The following GRM8 variants were observed in gnomAD, a reference collection of about 807,000 sequenced individuals.
GRM8 encodes glutamate metabotropic receptor 8, also known as metabotropic glutamate receptor 8.
A neutral mutation model predicts 87.2 loss-of-function variants in GRM8; 47 were observed. That is an observed-to-expected ratio of 0.54 (90% CI 0.43 to 0.69). The LOEUF (loss-of-function observed/expected upper bound fraction) is 0.69. Among genes scored for constraint, GRM8 ranks in the 30% least tolerant of loss-of-function variants. The pLI is 0.00. For synonymous variants in GRM8, 396 were observed against 404.5 expected, an observed-to-expected ratio of 0.98 and a Z score of 0.25; for missense variants, 1,019 against 1,139.2, an observed-to-expected ratio of 0.89 and a Z score of 1.52.
chr7:126,996,720 G>A (rs1379729055), intron 3 of GRM8, among the ~76,000 whole-genome samples: 2 of 151,722 alleles, frequency 1.3e-5, no homozygotes, highest in Non-Finnish European at 2.9e-5. Flanking sequence ...ATGGCAAATG[G>A]GTCAATTCAG....
chr7:126,899,708 C>T (rs960639515), intron 6 of GRM8, among the ~76,000 whole-genome samples: 1 of 150,530 alleles, frequency 6.6e-6, no homozygotes, highest in Non-Finnish European at 1.5e-5. Flanking sequence ...TCCTACTCTG[C>T]ATTTATTCTC....
At chr7:126,447,704 T>G (rs1178015583) in intron 9 of GRM8, among the ~76,000 whole-genome samples, 1 of 151,980 alleles carries the variant, frequency 6.6e-6, no homozygotes, top group African/African-American at 2.4e-5. Flanking sequence ...AAGGTTTCTC[T>G]TAACAGATGG....
At chr7:127,222,687 T>C (rs971355021) in intron 2 of GRM8, among the ~76,000 whole-genome samples, 1 of 152,212 alleles carries the variant, frequency 6.6e-6, no homozygotes, top group Non-Finnish European at 1.5e-5. Flanking sequence ...ATAATGGCTA[T>C]TCATGTATAG....
intron 6 of GRM8, among the ~76,000 whole-genome samples, chr7:126,817,400 C>A (rs904920786): frequency 6.6e-6 from 1 of 152,058 alleles, no homozygotes; most frequent in African/African-American, 2.4e-5. Context: ...TAAAATGATA[C>A]TATGGAGAAT....
chr7:126,557,890 A>G (rs1189250128), intron 8 of GRM8, among the ~76,000 whole-genome samples: 2 of 152,172 alleles, frequency 1.3e-5, no homozygotes, highest in African/African-American at 4.8e-5. Flanking sequence ...AAGTAATATA[A>G]AGATGTACTT....
chr7:126,574,509 T>G (rs945952854), intron 8 of GRM8, among the ~76,000 whole-genome samples: 1 of 152,214 alleles, frequency 6.6e-6, no homozygotes, highest in African/African-American at 2.4e-5. Flanking sequence ...ATGTGTCATC[T>G]CTAAGGAGTT....
intron 6 of GRM8, among the ~76,000 whole-genome samples, chr7:126,840,970 G>A (rs1796217705): frequency 6.6e-6 from 1 of 152,210 alleles, no homozygotes; most frequent in Non-Finnish European, 1.5e-5. Context: ...TAAAGGCTCT[G>A]ACAGAGCCTA....
chr7:127,022,566 C>T (rs1544326), intron 3 of GRM8, among the ~76,000 whole-genome samples: 113,308 of 151,756 alleles, frequency 0.75, 43,529 homozygotes, highest in African/African-American at 0.89. Context: ...AGGGATTTCG[C>T]TTCAGGCCAA....
intron 3 of GRM8, among the ~76,000 whole-genome samples, chr7:127,024,101 G>C (rs1816542506): frequency 6.6e-6 from 1 of 152,044 alleles, no homozygotes; most frequent in Admixed American, 6.6e-5. Flanking sequence ...TATGGAACTG[G>C]TTTTACATCA....
chr7:126,824,715 A>G (rs1794603798), intron 6 of GRM8, among the ~76,000 whole-genome samples: 1 of 152,196 alleles, frequency 6.6e-6, no homozygotes, highest in Non-Finnish European at 1.5e-5. Flanking sequence ...ATACCAATGG[A>G]AGTATCTTTT....
At chr7:127,151,468 C>T (rs1828856519) in intron 2 of GRM8, among the ~76,000 whole-genome samples, 1 of 152,056 alleles carries the variant, frequency 6.6e-6, no homozygotes. Flanking sequence ...AAAGAAAAAA[C>T]ACCCCAAAAC....
intron 8 of GRM8, among the ~76,000 whole-genome samples, chr7:126,551,590 T>C (rs949096599): frequency 2.6e-5 from 4 of 152,192 alleles, no homozygotes; most frequent in African/African-American, 9.6e-5. Flanking sequence ...TCATCATGTC[T>C]ACAAATGGAT....
chr7:126,583,580 G>C (rs1179100164), intron 8 of GRM8, among the ~76,000 whole-genome samples: 3 of 152,114 alleles, frequency 2.0e-5, no homozygotes, highest in African/African-American at 7.2e-5. Flanking sequence ...GGAAGAAGTT[G>C]ATTCCACTCT....
chr7:126,943,682 A>C (rs945858097), intron 3 of GRM8, among the ~76,000 whole-genome samples: 2 of 152,138 alleles, frequency 1.3e-5, no homozygotes, highest in Non-Finnish European at 2.9e-5. Context: ...CCTCTCTCTC[A>C]TTGACGCCGT....
chr7:126,822,661 C>T (rs1048394110), intron 6 of GRM8, among the ~76,000 whole-genome samples: 2 of 152,042 alleles, frequency 1.3e-5, no homozygotes, highest in African/African-American at 4.8e-5. Context: ...CCTCAGACTC[C>T]TGCGGCTCAA....
At chr7:127,077,711 C>T (rs907861591) in intron 3 of GRM8, among the ~76,000 whole-genome samples, 1 of 152,288 alleles carries the variant, frequency 6.6e-6, no homozygotes, top group South Asian at 2.1e-4. Flanking sequence ...CAGGTAACAA[C>T]CCCCTTGGTA....
chr7:127,198,704 T>C (rs1034252537), intron 2 of GRM8, among the ~76,000 whole-genome samples: 2 of 152,024 alleles, frequency 1.3e-5, no homozygotes, highest in African/African-American at 2.4e-5. Flanking sequence ...GGTTTTGCTC[T>C]GTCACCCAGG....
chr7:126,718,109 C>A (rs969230007), intron 7 of GRM8, among the ~76,000 whole-genome samples: 2 of 151,608 alleles, frequency 1.3e-5, no homozygotes, highest in Non-Finnish European at 2.9e-5. Flanking sequence ...TGGTGGCAGG[C>A]GCCTGTAGCC....
In GRM8 at chr7:126,940,713, T is replaced by C. The variant is rs367990603; in HGVS notation, c.728-36030A>G. The stretch of plus-strand genomic sequence containing the variant: ...CTTATTCCAGAACTCCTGGTTATGC[T>C]ATAATATCCCTTGCTGTCTTCTATG... On this transcript the variant is annotated intron_variant, in intron 3 of 10. Coordinates refer to ENST00000339582, the MANE Select transcript of GRM8 (RefSeq NM_000845.3). Among the ~76,000 whole-genome samples the C allele has an allele frequency of 8.5e-5, 13 of 152,344 alleles. No individual in the cohort carries two copies. The East Asian group carries it at 2.5e-3, about 29-fold the overall frequency.
Sources: gnomAD v4.1 joint callset for allele counts (sites outside exome capture counted in the v4.1 genomes callset) on GRCh38, gnomAD v4.1.1 for gene constraint, MANE v1.5 for transcripts, NCBI Gene and HGNC (gene_info 2026-07-23, HGNC 2026-07-21) for gene names.